ATE1: variants seen among roughly 807,000 people sequenced by gnomAD.
ATE1 encodes arginyl-tRNA--protein transferase 1.
Under a neutral mutation model 70.5 loss-of-function variants are expected in ATE1, and 36 were observed. The observed-to-expected ratio is 0.51, with a 90% CI of 0.39 to 0.67. The LOEUF (loss-of-function observed/expected upper bound fraction) is 0.67, where lower values mean the gene tolerates loss of function less well. ATE1 is among the 30% of genes least tolerant of loss of function. The probability of loss-of-function intolerance (pLI) is 0.00; values close to 1 mark genes in which losing one functional copy is unlikely to be tolerated. For synonymous variants in ATE1, 232 were observed against 219.3 expected, an observed-to-expected ratio of 1.06 and a Z score of -0.51; for missense variants, 593 against 629.5, an observed-to-expected ratio of 0.94 and a Z score of 0.62.
chr10:121,807,410 TAA>T (rs1465048322), intron 10 of ATE1, among the ~76,000 whole-genome samples: 1 of 98,032 alleles, frequency 1.0e-5, no homozygotes, highest in Non-Finnish European at 2.5e-5. Flanking sequence ...TCATAGAGTA[TAA>T]GTTTCATTTA....
chr10:121,793,234 C>T (rs1590316456), intron 10 of ATE1, among the ~76,000 whole-genome samples: 1 of 152,122 alleles, frequency 6.6e-6, no homozygotes, highest in African/African-American at 2.4e-5. Flanking sequence ...TGCATGTCCA[C>T]TAGAATGGCT....
chr10:121,912,913 T>G (rs1477617678), intron 4 of ATE1, among the ~76,000 whole-genome samples: 1 of 151,914 alleles, frequency 6.6e-6, no homozygotes, highest in Non-Finnish European at 1.5e-5. Flanking sequence ...TTTTTGTTGC[T>G]CTGTCACCCA....
chr10:121,873,528 T>C (rs527811544), intron 7 of ATE1, among the ~76,000 whole-genome samples: 41 of 152,220 alleles, frequency 2.7e-4, no homozygotes, highest in Non-Finnish European at 5.3e-4. Flanking sequence ...TCTAAACCAT[T>C]TTCCAAGTGC....
chr10:121,895,470 C>G (rs540042641), intron 7 of ATE1, among the ~76,000 whole-genome samples: 84 of 151,806 alleles, frequency 5.5e-4, no homozygotes, highest in South Asian at 8.3e-4. Flanking sequence ...ACAAATTAGG[C>G]AGGTGTGGTG....
At chr10:121,922,983 CCT>C (rs959500798) in intron 2 of ATE1, among the ~76,000 whole-genome samples, 15 of 152,092 alleles carry the variant, frequency 9.9e-5, no homozygotes, top group Non-Finnish European at 1.8e-4. Context: ...TAAATTGTCC[CCT>C]CTTCTCTATC....
chr10:121,920,939 A>G (rs1025404816), intron 3 of ATE1, among the ~76,000 whole-genome samples: 2 of 151,830 alleles, frequency 1.3e-5, no homozygotes, highest in Admixed American at 1.3e-4. Flanking sequence ...GGTTGCAGTG[A>G]GCCGAGATCG....
In ATE1 at chr10:121,928,014, C is replaced by T. The variant is rs544814021; in HGVS notation, c.-65G>A. ...TCGCTAGCGCGGCCGCCGCCGCCACCCCACAATGCAGCGCGCCGCCCGGGA... is the reference window on the plus strand; with the variant it reads ...TCGCTAGCGCGGCCGCCGCCGCCACTCCACAATGCAGCGCGCCGCCCGGGA... On this transcript the variant is annotated 5_prime_UTR_variant, in exon 1 of 12. Coordinates refer to ENST00000224652, the MANE Select transcript of ATE1 (RefSeq NM_001001976.3). The T allele has an allele frequency of 2.2e-6, 3 of 1,336,660 alleles. No individual in the cohort carries two copies. The African/African-American group carries it at 4.6e-5, about 21-fold the overall frequency. 82.8% of individuals were successfully genotyped at this position (1,336,660 alleles called of 1,614,324 possible).
At chr10:121,774,544 G>A (rs1320230986) in intron 11 of ATE1, among the ~76,000 whole-genome samples, 1 of 152,136 alleles carries the variant, frequency 6.6e-6, no homozygotes, top group Non-Finnish European at 1.5e-5. Flanking sequence ...ACAGATGGCA[G>A]GTGAGAAAAA....
chr10:121,911,136 G>A lies in ATE1; in HGVS notation c.353C>T (p.Ser118Phe). 1 of 1,607,658 alleles carries A rather than the reference G, an allele frequency of 6.2e-7. No homozygotes were observed. Among genetic ancestry groups the A allele is most frequent in the Non-Finnish European group, 8.5e-7 (1 of 1,178,760 alleles). Residue 118 changes from serine to phenylalanine, a missense_variant, in exon 5 of 12, where the codon TCC (serine) becomes TTC (phenylalanine). By Grantham distance (155) the Ser-to-Phe change is radical. Around this residue, in one of 3 missense-constraint regions of ATE1, gnomAD observed 467 missense variants for 469.6 expected, o/e 0.99. Transcript: ENST00000224652. Reference protein sequence around the residue: ...KGSCEDEPMDSTMDDAVAGDF... With the variant: ...KGSCEDEPMDFTMDDAVAGDF... Reference sequence around the variant, plus strand: ...ACCCGCAACAGCATCATCCATTGTGGAATCCATGGGCTCATCTACAAATCA... The same window carrying A: ...ACCCGCAACAGCATCATCCATTGTGAAATCCATGGGCTCATCTACAAATCA...
At chr10:121,824,597 T>C (rs1320805154) in intron 10 of ATE1, among the ~76,000 whole-genome samples, 1 of 152,212 alleles carries the variant, frequency 6.6e-6, no homozygotes, top group Non-Finnish European at 1.5e-5. Flanking sequence ...TTTAGCCTTT[T>C]GTTTCTTTTC....
At chr10:121,921,558 A>G (rs1400567802) in intron 3 of ATE1, among the ~76,000 whole-genome samples, 4 of 25,362 alleles carry the variant, frequency 1.6e-4, no homozygotes, top group Non-Finnish European at 4.2e-4. Flanking sequence ...GACTTCAAGT[A>G]TTGTTTTATC....
chr10:121,894,372 A>C (rs1048633195), intron 7 of ATE1, among the ~76,000 whole-genome samples: 1 of 152,234 alleles, frequency 6.6e-6, no homozygotes, highest in Non-Finnish European at 1.5e-5. Context: ...TTACATTCAA[A>C]GACACAAACA....
In ATE1 at chr10:121,888,101, G is replaced by T. The variant is rs142933811; in HGVS notation, c.942+11765C>A. Among the ~76,000 whole-genome samples the T allele has an allele frequency of 8.2e-3, 1,244 of 152,194 alleles. 19 individuals are homozygous for T. Among genetic ancestry groups the T allele is most frequent in the African/African-American group, 0.029 (1,193 of 41,540 alleles). The stretch of plus-strand genomic sequence containing the variant: ...TCTAATTACAAAGAAAAAAATATAA[G>T]AATAATAAAGAGGCTGGGCGCAGTG... On this transcript the variant is annotated intron_variant, in intron 7 of 11. Transcript: ENST00000224652.
intron 10 of ATE1, among the ~76,000 whole-genome samples, chr10:121,825,712 G>T (rs1296250601): frequency 6.6e-6 from 1 of 152,196 alleles, no homozygotes; most frequent in Admixed American, 6.5e-5. Flanking sequence ...GGAGAAACTG[G>T]AACACTTGTG....
chr10:121,771,956 G>A (rs1945536493), intron 11 of ATE1, among the ~76,000 whole-genome samples: 1 of 152,154 alleles, frequency 6.6e-6, no homozygotes, highest in Non-Finnish European at 1.5e-5. Context: ...CCATTTAAAA[G>A]TGGTGCTTTT....
rs568616359 is a variant in ATE1 at position 121,809,441 on chromosome 10, T to C, written c.1258-19152A>G. Among the ~76,000 whole-genome samples the C allele has an allele frequency of 1.2e-4, 19 of 152,276 alleles. No individual in the cohort carries two copies. In the East Asian group the frequency reaches 1.9e-3, roughly 15 times the overall value. On this transcript the variant is annotated intron_variant, in intron 10 of 11. Transcript: ENST00000224652. ...ACAAGCACTTTACATATACTACCCA[T>C]TTCATCACACTGAATATGGGGGAAA... is the stretch of plus-strand genomic sequence containing the variant.
At chr10:121,757,477 G>A (rs1298874599) in intron 11 of ATE1, among the ~76,000 whole-genome samples, 1 of 152,076 alleles carries the variant, frequency 6.6e-6, no homozygotes, top group Non-Finnish European at 1.5e-5. Flanking sequence ...CCATTTTCAG[G>A]CTGCTGATAA....
At chr10:121,832,736 T>TTA (rs1249084858) in intron 10 of ATE1, among the ~76,000 whole-genome samples, 1 of 152,166 alleles carries the variant, frequency 6.6e-6, no homozygotes, top group African/African-American at 2.4e-5. Flanking sequence ...CCAGTCTCAG[T>TTA]TATATCTTTA....
intron 10 of ATE1, among the ~76,000 whole-genome samples, chr10:121,835,693 C>T (rs778171946): frequency 8.5e-5 from 13 of 152,134 alleles, no homozygotes; most frequent in Non-Finnish European, 1.5e-4. Flanking sequence ...ATTGTGATTA[C>T]ATTTTCAAAA....
Sources: allele counts gnomAD v4.1 joint callset (sites outside exome capture counted in the v4.1 genomes callset), GRCh38; gene constraint gnomAD v4.1.1; regional missense constraint gnomAD v4.1.1; transcripts MANE v1.5; gene names NCBI Gene and HGNC (gene_info 2026-07-23, HGNC 2026-07-21).